The following PRPF40B variants were observed in gnomAD, a reference collection of about 807,000 sequenced individuals.
The protein encoded by PRPF40B is pre-mRNA processing factor 40B.
A neutral mutation model predicts 124.5 loss-of-function variants in PRPF40B; 56 were observed. That is an observed-to-expected ratio of 0.45 (90% CI 0.36 to 0.56). The LOEUF is 0.56. Among genes scored for constraint, PRPF40B ranks in the 20% least tolerant of loss-of-function variants. The probability of loss-of-function intolerance (pLI) is 0.00; values close to 1 mark genes in which losing one functional copy is unlikely to be tolerated. For synonymous variants in PRPF40B, 443 were observed against 426.4 expected, an observed-to-expected ratio of 1.04 and a Z score of -0.48; for missense variants, 1,053 against 1,169.5, an observed-to-expected ratio of 0.90 and a Z score of 1.45.
intron 1 of PRPF40B, among the ~76,000 whole-genome samples, chr12:49,627,302 T>C (rs1353823043): frequency 1.3e-5 from 2 of 152,170 alleles, no homozygotes; most frequent in African/African-American, 4.8e-5. Context: ...TCATGCCAAA[T>C]AGAAAAATAA....
Position 49,632,996 on chromosome 12 carries a change from G to GGGGGGGCC in PRPF40B, c.349-18_349-17insGGGGGGCC. 16 of 1,147,322 alleles carry GGGGGGGCC rather than the reference G, an allele frequency of 1.4e-5. No homozygotes were observed. Among genetic ancestry groups the GGGGGGGCC allele is most frequent in the Non-Finnish European group, 1.9e-5 (16 of 822,938 alleles). The allele number at this position is 1,147,322 out of a possible 1,614,324, so 71.1% of individuals were successfully genotyped here. On this transcript the variant is annotated splice_polypyrimidine_tract_variant and intron_variant, in intron 6 of 25. Transcript: ENST00000548825. ...AAAGGGGCCTTGACCACCATTCTGTGCCCCCCCCCCCACCCAGAGGGCCCT... is the reference window on the plus strand; with the variant it reads ...AAAGGGGCCTTGACCACCATTCTGTGGGGGGGCCCCCCCCCCCCCACCCAGAGGGCCCT...
intron 16 of PRPF40B, 138 bp from the exon 17 acceptor site, chr12:49,637,332 C>A: frequency 1.6e-6 from 1 of 634,314 alleles, no homozygotes; most frequent in Non-Finnish European, 2.8e-6. Flanking sequence ...TGCATCTCTT[C>A]ATCTCTGCCT....
In PRPF40B at chr12:49,635,021, A is replaced by T; in HGVS notation, c.1002-78A>T. 1 of 1,419,358 alleles carries T rather than the reference A, an allele frequency of 7.0e-7. No individual in the cohort carries two copies. Among genetic ancestry groups the T allele is most frequent in the Non-Finnish European group, 9.5e-7 (1 of 1,047,290 alleles). The allele number at this position is 1,419,358 out of a possible 1,614,324, so 87.9% of individuals were successfully genotyped here. On this transcript the variant is annotated intron_variant, in intron 12 of 25. Coordinates refer to ENST00000548825, the MANE Select transcript of PRPF40B (RefSeq NM_001031698.3). The surrounding 1 kb of genome is among the most constrained non-coding windows in gnomAD (Gnocchi z 4.1). Reference sequence around the variant, plus strand: ...GAGCCCCTGCAGCCTGCAGTGTCTCATGACCCTCCAGTGTGGGCTGTGCAG... The same window carrying T: ...GAGCCCCTGCAGCCTGCAGTGTCTCTTGACCCTCCAGTGTGGGCTGTGCAG...
chr12:49,630,559 TGGTCCCC>T lies in PRPF40B; in HGVS notation c.21_27del (p.Arg9GlnfsTer13). On this transcript the variant is annotated frameshift_variant, in exon 2 of 26. Transcript: ENST00000548825. LOFTEE classifies it high-confidence loss of function. ...TCCCTCAACAGTCGGTTCCCGATTC[TGGTCCCC>T]GGCCCCCAGCAGCGCCTGCCCCCTT... is the stretch of plus-strand genomic sequence containing the variant. 2.2e-6 allele frequency: 3 copies of T among 1,391,778 alleles called. No individual in the cohort carries two copies. Among genetic ancestry groups the T allele is most frequent in the Non-Finnish European group, 3.0e-6 (3 of 989,102 alleles). The allele number at this position is 1,391,778 out of a possible 1,614,324, so 86.2% of individuals were successfully genotyped here. A position where few individuals can be genotyped will look rare whatever the true frequency, so the allele number is the denominator to read the frequency against.
At chr12:49,637,671 G>C in intron 17 of PRPF40B, 62 bp from the exon 18 acceptor site, 2 of 1,543,148 alleles carry the variant, frequency 1.3e-6, no homozygotes, top group South Asian at 1.1e-5. Context: ...CCTGTCCTCG[G>C]CCCAGCCCCC....
Position 49,642,276 on chromosome 12 carries a change from G to C in PRPF40B, c.1926G>C (p.Lys642Asn). ...KAEARERERE[K>N]EEARRMRRRE... ...AGGCACGGGAGAGGGAGCGGGAGAA[G>C]GAGGAGGCACGCAGGATGCGGCGCA... The change falls in exon 20 of 26, where the codon AAG becomes AAC. Residue 642 changes from lysine to asparagine, a missense_variant. Lys to Asn is a moderately conservative substitution (Grantham distance 94, BLOSUM62 0). Around this residue, in one of 2 missense-constraint regions of PRPF40B, gnomAD observed 895 missense variants for 1,052.2 expected, o/e 0.85. Transcript: ENST00000548825. The surrounding 1 kb of genome is among the most constrained non-coding windows in gnomAD (Gnocchi z 5.8). 6.2e-7 allele frequency: 1 copy of C among 1,614,200 alleles called. No homozygotes were observed. Among genetic ancestry groups the C allele is most frequent in the South Asian group, 1.1e-5 (1 of 91,086 alleles).
At position 49,631,481 on chromosome 12, in the gene PRPF40B, C is replaced by T. The variant is rs1284615054; in HGVS notation, c.165C>T (p.Pro55=). The change falls in exon 3 of 26, where the codon CCC becomes CCT. Residue 55 remains proline (P), a synonymous_variant. Coordinates refer to ENST00000548825, the MANE Select transcript of PRPF40B (RefSeq NM_001031698.3). This position sits in a 1 kb window ranked among gnomAD's most constrained non-coding sequence, Gnocchi z 4.3. The part of the protein sequence containing the change: ...PMSQRPPAIP[P]MPPGILPPML... ...GTCAGAGACCACCAGCTATCCCCCCCATGCCACCTGGCATCCTGCCCCCAA... is the reference window on the plus strand; with the variant it reads ...GTCAGAGACCACCAGCTATCCCCCCTATGCCACCTGGCATCCTGCCCCCAA... 1 of 1,537,092 alleles carries T rather than the reference C, an allele frequency of 6.5e-7. No individual in the cohort carries two copies. Among genetic ancestry groups the T allele is most frequent in the East Asian group, 2.3e-5 (1 of 43,350 alleles).
chr12:49,634,889 A>T (rs1592591610), intron 12 of PRPF40B: 2 of 647,108 alleles, frequency 3.1e-6, no homozygotes, highest in East Asian at 5.5e-5. Context: ...CCCAAAGGAA[A>T]AGGGCCCAGT....
intron 1 of PRPF40B, among the ~76,000 whole-genome samples, chr12:49,626,181 G>A (rs763670353): frequency 2.0e-5 from 3 of 152,208 alleles, no homozygotes; most frequent in East Asian, 3.8e-4. Context: ...ATATGCACAC[G>A]TGTATACACT....
At chr12:49,636,686 A>G (rs771971581) in intron 15 of PRPF40B, 30 bp from the exon 16 acceptor site, 94 of 1,612,734 alleles carry the variant, frequency 5.8e-5, no homozygotes, top group South Asian at 2.2e-4. Context: ...TGCTGGGACA[A>G]TGCCCGCGGA....
At chr12:49,637,270 CCTCT>C in intron 16 of PRPF40B, 196 bp from the exon 17 acceptor site, 2 of 595,118 alleles carry the variant, frequency 3.4e-6, no homozygotes, top group Non-Finnish European at 3.0e-6. Flanking sequence ...TTGTTCTGTC[CCTCT>C]CTGTGTATTT....
chr12:49,638,010 G>A (rs935305274), intron 18 of PRPF40B, 186 bp downstream of exon 18: 1 of 585,740 alleles, frequency 1.7e-6, no homozygotes, highest in Non-Finnish European at 3.0e-6. Context: ...AGGAGCTCAT[G>A]GTCTAATAGG....
At chr12:49,641,331 G>C (rs1356427043) in intron 18 of PRPF40B, 2 of 152,400 alleles carry the variant, frequency 1.3e-5, no homozygotes, top group African/African-American at 4.8e-5. Flanking sequence ...GCCCCCCCAG[G>C]GTAGGGTTCT....
At chr12:49,624,195 C>G in intron 1 of PRPF40B, 1 of 978,080 alleles carries the variant, frequency 1.0e-6, no homozygotes. Flanking sequence ...TTCTTTGGGC[C>G]TCAGATTTCC....
upstream of PRPF40B, chr12:49,623,395 G>A: frequency 2.9e-6 from 1 of 345,856 alleles, no homozygotes; most frequent in Non-Finnish European, 4.7e-6. Context: ...CTGGTTCTCC[G>A]TGCCGGGGGG....
At position 49,642,253 on chromosome 12, in the gene PRPF40B, G is replaced by A. The variant is rs1565850433; in HGVS notation, c.1903G>A (p.Ala635Thr). 1 of 1,614,046 alleles carries A rather than the reference G, an allele frequency of 6.2e-7. No homozygotes were observed. Among genetic ancestry groups the A allele is most frequent in the South Asian group, 1.1e-5 (1 of 91,088 alleles). ...TFNSLLEKAE[A>T]REREREKEEA... ...TCCTCAGCTGCTGGAGAAAGCAGAG[G>A]CACGGGAGAGGGAGCGGGAGAAGGA... Residue 635 changes from alanine to threonine, a missense_variant, in exon 20 of 26, where the codon GCA becomes ACA. Coordinates refer to ENST00000548825, the MANE Select transcript of PRPF40B (RefSeq NM_001031698.3). The surrounding 1 kb of genome is among the most constrained non-coding windows in gnomAD (Gnocchi z 5.8).
chr12:49,642,808 C>T lies in PRPF40B; in HGVS notation c.2119-122C>T, dbSNP rs1565852311. On this transcript the variant is annotated intron_variant, in intron 21 of 25. Coordinates refer to ENST00000548825, the MANE Select transcript of PRPF40B (RefSeq NM_001031698.3). This position sits in a 1 kb window ranked among gnomAD's most constrained non-coding sequence, Gnocchi z 5.8. ...GCTAAGGAAGGGGAGGCCTGAGGAT[C>T]CCTGGGATAGGCAGAAGGCTCTAGT... 2.1e-6 allele frequency: 3 copies of T among 1,425,066 alleles called. No homozygotes were observed. Among genetic ancestry groups the T allele is most frequent in the Non-Finnish European group, 2.9e-6 (3 of 1,035,106 alleles). 88.3% of individuals were successfully genotyped at this position (1,425,066 alleles called of 1,614,324 possible).
At position 49,632,617 on chromosome 12, in the gene PRPF40B, G is replaced by A. The variant is rs752777680; in HGVS notation, c.316G>A (p.Ala106Thr). 1.7e-5 allele frequency: 27 copies of A among 1,613,736 alleles called. No individual in the cohort carries two copies. The highest frequency in any genetic ancestry group is 1.7e-4 in the Middle Eastern group (1 of 5,994). ...GCAGACGGCTCCGGGTGCGGACACC[G>A]CCAGCTGTGAGTCTTCTGGGGGCCT... The part of the protein sequence containing the change: ...TAATAPGADT[A>T]SSAVAGTGPP... The change falls in exon 5 of 26, where the codon GCC becomes ACC. Residue 106 changes from alanine (A) to threonine (T), a missense_variant. By Grantham distance (58) the Ala-to-Thr change is moderately conservative. Transcript: ENST00000548825.
intron 1 of PRPF40B, among the ~76,000 whole-genome samples, chr12:49,627,888 C>T (rs1940867098): frequency 6.6e-6 from 1 of 152,106 alleles, no homozygotes; most frequent in African/African-American, 2.4e-5. Context: ...GTAAAGTTAA[C>T]AAGACTTGGT....
Sources: allele counts gnomAD v4.1 joint callset (sites outside exome capture counted in the v4.1 genomes callset), GRCh38; gene constraint gnomAD v4.1.1; regional missense constraint gnomAD v4.1.1; non-coding constraint Gnocchi (gnomAD v3.1); transcripts MANE v1.5; gene names NCBI Gene and HGNC (gene_info 2026-07-23, HGNC 2026-07-21).